KIF1B: variants seen among roughly 807,000 people sequenced by gnomAD.
KIF1B encodes the protein kinesin family member 1B.
A neutral mutation model predicts 241.9 loss-of-function variants in KIF1B; 76 were observed. The observed-to-expected ratio is 0.31, with a 90% CI of 0.26 to 0.38. KIF1B has a LOEUF of 0.38. KIF1B is among the 10% of genes least tolerant of loss of function. KIF1B has a pLI of 1.00. For missense variants in KIF1B, 1,622 were observed against 2,271.4 expected (o/e 0.71, Z 5.81); for synonymous variants, 750 against 796.7 (o/e 0.94, Z 0.99).
intron 5 of KIF1B, among the ~76,000 whole-genome samples, chr1:10,265,221 T>TTTAC (rs1385388305): frequency 6.7e-6 from 1 of 148,334 alleles, no homozygotes; most frequent in Non-Finnish European, 1.5e-5. Flanking sequence ...TATTTATTTA[T>TTTAC]TTATTTATTT....
chr1:10,336,045 A>G (rs910647039), intron 28 of KIF1B, among the ~76,000 whole-genome samples: 3 of 152,240 alleles, frequency 2.0e-5, no homozygotes, highest in Non-Finnish European at 4.4e-5. Context: ...CACAAGTACA[A>G]TATAATATTT....
intron 2 of KIF1B, among the ~76,000 whole-genome samples, chr1:10,248,295 G>A (rs1284906497): frequency 6.6e-6 from 1 of 152,088 alleles, no homozygotes; most frequent in Non-Finnish European, 1.5e-5. Flanking sequence ...AACTTCCTGG[G>A]TGCAAATGAT....
chr1:10,273,056 A>G (rs1322984483), intron 10 of KIF1B, 25 bp downstream of exon 10: 1 of 1,526,228 alleles, frequency 6.6e-7, no homozygotes, highest in East Asian at 2.5e-5. Context: ...GGTAGAGATA[A>G]ACTAGAATTG....
chr1:10,211,970 A>G (rs1290427304), intron 1 of KIF1B, among the ~76,000 whole-genome samples: 3 of 152,178 alleles, frequency 2.0e-5, no homozygotes, highest in Non-Finnish European at 4.4e-5. Context: ...AGTAAACCAG[A>G]GTATTCTGAT....
At chr1:10,240,151 C>G (rs1342017650) in intron 2 of KIF1B, among the ~76,000 whole-genome samples, 2 of 152,184 alleles carry the variant, frequency 1.3e-5, no homozygotes, top group Admixed American at 1.3e-4. Flanking sequence ...ATCCGCCCGC[C>G]TCAGCCTCCC....
intron 48 of KIF1B, among the ~76,000 whole-genome samples, chr1:10,375,962 A>G (rs61778407): frequency 6.8e-6 from 1 of 147,586 alleles, no homozygotes; most frequent in Non-Finnish European, 1.5e-5. Context: ...ACACCCAGCT[A>G]ATTTTTTTTT....
At chr1:10,221,074 G>T (rs1054169210) in intron 1 of KIF1B, among the ~76,000 whole-genome samples, 3 of 150,726 alleles carry the variant, frequency 2.0e-5, no homozygotes, top group African/African-American at 7.4e-5. Context: ...TCTTGGATTG[G>T]GTTAGAATAC....
chr1:10,288,408 G>A (rs927952818), intron 15 of KIF1B, among the ~76,000 whole-genome samples: 2 of 152,130 alleles, frequency 1.3e-5, no homozygotes, highest in Non-Finnish European at 2.9e-5. Flanking sequence ...TTTGTGGGGC[G>A]GCATGTGCAC....
chr1:10,344,580 G>C (rs770085568), intron 34 of KIF1B, among the ~76,000 whole-genome samples: 5 of 152,096 alleles, frequency 3.3e-5, no homozygotes, highest in Non-Finnish European at 5.9e-5. Flanking sequence ...ACTAGTAGTT[G>C]GTTTGTTAGA....
intron 37 of KIF1B, among the ~76,000 whole-genome samples, chr1:10,351,805 A>AAAAAT (rs767087190): frequency 1.5e-4 from 23 of 152,230 alleles, no homozygotes; most frequent in African/African-American, 5.1e-4. Context: ...GTCTCTACAA[A>AAAAAT]AAAATAAAAT....
At chr1:10,296,812 C>A in intron 20 of KIF1B, 85 bp from the exon 21 acceptor site, 1 of 1,387,034 alleles carries the variant, frequency 7.2e-7, no homozygotes, top group South Asian at 1.2e-5. Flanking sequence ...GCTGTCTTTT[C>A]ACATTAGGGA....
chr1:10,263,901 A>G (rs1028488151), intron 5 of KIF1B, among the ~76,000 whole-genome samples: 5 of 152,058 alleles, frequency 3.3e-5, no homozygotes, highest in Admixed American at 6.6e-5. Context: ...TGCTCCACCC[A>G]TATTGCCTTT....
intron 5 of KIF1B, among the ~76,000 whole-genome samples, chr1:10,263,915 C>T (rs12737239): frequency 1.3e-5 from 2 of 151,900 alleles, no homozygotes; most frequent in African/African-American, 2.4e-5. Context: ...TGCCTTTTTT[C>T]CTGTTTCAAG....
At chr1:10,322,888 G>A (rs1215221458) in intron 24 of KIF1B, among the ~76,000 whole-genome samples, 1 of 152,162 alleles carries the variant, frequency 6.6e-6, no homozygotes, top group East Asian at 1.9e-4. Flanking sequence ...GCAATGTCGT[G>A]AAGTACTTAC....
At chr1:10,289,339 T>A (rs1405541014) in intron 15 of KIF1B, among the ~76,000 whole-genome samples, 1 of 152,180 alleles carries the variant, frequency 6.6e-6, no homozygotes, top group Non-Finnish European at 1.5e-5. Context: ...TCCTCAGACA[T>A]GCTGCTCTAG....
At chr1:10,244,315 C>CTTTTTT (rs571243520) in intron 2 of KIF1B, among the ~76,000 whole-genome samples, 6 of 127,536 alleles carry the variant, frequency 4.7e-5, no homozygotes, top group African/African-American at 8.9e-5. Flanking sequence ...TTTTTCTTTT[C>CTTTTTT]TTTTTTTTTT....
At chr1:10,306,155 G>GT (rs921198806) in intron 22 of KIF1B, 22 of 1,039,140 alleles carry the variant, frequency 2.1e-5, no homozygotes, top group Non-Finnish European at 2.5e-5. Flanking sequence ...TCCAATTAAT[G>GT]TTTTTTTCCC....
chr1:10,353,220 T>G (rs1049947177), intron 38 of KIF1B, among the ~76,000 whole-genome samples: 1 of 152,206 alleles, frequency 6.6e-6, no homozygotes, highest in Non-Finnish European at 1.5e-5. Context: ...ATAGGCTCCA[T>G]TATCCTTAGT....
rs1185329178 is a variant in KIF1B at position 10,280,303 on chromosome 1, C to T, written c.1222+1165C>T. Among the ~76,000 whole-genome samples the T allele has an allele frequency of 2.6e-5, 4 of 151,964 alleles. 1 individual carries two copies. The South Asian group carries it at 6.2e-4, about 24-fold the overall frequency. Reference sequence around the variant, plus strand: ...AGGCTGGAGTTCAGTGGCGGAATCTCGGCTCACTGCAACTTCCGCTGCCTG... The same window carrying T: ...AGGCTGGAGTTCAGTGGCGGAATCTTGGCTCACTGCAACTTCCGCTGCCTG... On this transcript the variant is annotated intron_variant, in intron 14 of 48. Transcript: ENST00000676179.
Sources: gnomAD v4.1 joint callset for allele counts (sites outside exome capture counted in the v4.1 genomes callset) on GRCh38, gnomAD v4.1.1 for gene constraint, MANE v1.5 for transcripts, NCBI Gene and HGNC (gene_info 2026-07-23, HGNC 2026-07-21) for gene names.